Variants in ZZZ3 observed in about 807,000 individuals in gnomAD.
ZZZ3 encodes ZZ-type zinc finger-containing protein 3.
In ZZZ3, 22 loss-of-function variants were observed where a neutral mutation model predicts 95.2. The observed-to-expected ratio is 0.23, with a 90% CI of 0.17 to 0.33. The LOEUF (loss-of-function observed/expected upper bound fraction) is 0.33. Ranked by LOEUF, ZZZ3 falls within the 10% of genes least tolerant of loss-of-function variation. ZZZ3 has a pLI of 1.00. For synonymous variants in ZZZ3, 335 were observed against 358.9 expected (o/e 0.93, Z 0.75); for missense variants, 885 against 1,066.5 (o/e 0.83, Z 2.37).
At chr1:77,598,653 A>G (rs1021661601) in intron 5 of ZZZ3, among the ~76,000 whole-genome samples, 2 of 152,152 alleles carry the variant, frequency 1.3e-5, no homozygotes, top group African/African-American at 4.8e-5. Context: ...ATTTATTGCC[A>G]TTTATTTCTG....
At chr1:77,578,511 CCTTT>C (rs141741817) in intron 11 of ZZZ3, among the ~76,000 whole-genome samples, 2 of 152,228 alleles carry the variant, frequency 1.3e-5, no homozygotes, top group Non-Finnish European at 2.9e-5. Flanking sequence ...CTCACAAAGG[CCTTT>C]CTAACATATT....
At chr1:77,575,545 G>A (rs1412858775) in intron 12 of ZZZ3, among the ~76,000 whole-genome samples, 1 of 152,100 alleles carries the variant, frequency 6.6e-6, no homozygotes, top group Non-Finnish European at 1.5e-5. Flanking sequence ...ATGACAAGAA[G>A]ATGTAATCAA....
intron 1 of ZZZ3, among the ~76,000 whole-genome samples, chr1:77,672,115 G>A (rs555217666): frequency 3.5e-4 from 53 of 152,296 alleles, no homozygotes; most frequent in African/African-American, 1.1e-3. Flanking sequence ...ATGTTCAGCC[G>A]AAGGAAAGCG....
At chr1:77,642,108 ATCTT>A (rs1352434636) in intron 1 of ZZZ3, among the ~76,000 whole-genome samples, 1 of 152,218 alleles carries the variant, frequency 6.6e-6, no homozygotes, top group Non-Finnish European at 1.5e-5. Context: ...AACATCTGAT[ATCTT>A]TCTTAAGTAA....
At chr1:77,650,296 T>C (rs1669684271) in intron 1 of ZZZ3, among the ~76,000 whole-genome samples, 2 of 152,206 alleles carry the variant, frequency 1.3e-5, no homozygotes, top group South Asian at 2.1e-4. Flanking sequence ...ATCACTTTCA[T>C]ACAGCCATTT....
intron 5 of ZZZ3, among the ~76,000 whole-genome samples, chr1:77,594,921 CAAAAAAAAA>C (rs371690201): frequency 5.0e-5 from 4 of 80,704 alleles, no homozygotes; most frequent in Admixed American, 4.0e-4. Flanking sequence ...TTGACAGGCC[CAAAAAAAAA>C]AAAAAAAAAA....
At chr1:77,649,999 G>A (rs879090908) in intron 1 of ZZZ3, among the ~76,000 whole-genome samples, 2 of 152,090 alleles carry the variant, frequency 1.3e-5, no homozygotes, top group Non-Finnish European at 2.9e-5. Context: ...ATGTGGGAAA[G>A]GGGACATACA....
chr1:77,609,362 C>A (rs778073757), intron 5 of ZZZ3, among the ~76,000 whole-genome samples: 1 of 152,066 alleles, frequency 6.6e-6, no homozygotes, highest in Non-Finnish European at 1.5e-5. Flanking sequence ...TATATGCACT[C>A]AACACTGAAG....
At position 77,632,611 on chromosome 1, in the gene ZZZ3, T is replaced by C. The variant is rs749024742; in HGVS notation, c.744A>G (p.Gln248=). ...TCCTACTATCAAGGAACATTGAAGT[T>C]TGGGTATCCGTATCCCCATTTTCAG... ...SVAENGDTDT[Q]TSMFLDSRKE... Residue 248 remains glutamine (Q), a synonymous_variant, in exon 5 of 15, where the codon CAA becomes CAG. Coordinates refer to ENST00000370801, the MANE Select transcript of ZZZ3 (RefSeq NM_015534.6). The C allele has an allele frequency of 8.1e-6, 13 of 1,614,086 alleles. No individual in the cohort carries two copies. The South Asian group carries it at 1.1e-4, about 14-fold the overall frequency.
At chr1:77,648,209 T>G (rs1455838285) in intron 1 of ZZZ3, among the ~76,000 whole-genome samples, 1 of 151,746 alleles carries the variant, frequency 6.6e-6, no homozygotes, top group Admixed American at 6.6e-5. Flanking sequence ...ATTAGCCAGA[T>G]GTTGTGGCAC....
intron 5 of ZZZ3, among the ~76,000 whole-genome samples, chr1:77,627,011 A>G (rs1474207147): frequency 2.0e-5 from 3 of 152,160 alleles, no homozygotes; most frequent in Admixed American, 6.5e-5. Flanking sequence ...TCATGACTAC[A>G]ATTACAGAAC....
chr1:77,586,646 C>G (rs1180889615), intron 5 of ZZZ3, among the ~76,000 whole-genome samples: 2 of 152,146 alleles, frequency 1.3e-5, no homozygotes, highest in Non-Finnish European at 2.9e-5. Flanking sequence ...TTCAATTCTG[C>G]TTCCATTTAG....
intron 1 of ZZZ3, among the ~76,000 whole-genome samples, chr1:77,655,961 C>A (rs1670236525): frequency 6.6e-6 from 1 of 152,212 alleles, no homozygotes; most frequent in African/African-American, 2.4e-5. Flanking sequence ...TAGTTTAGCA[C>A]ACACAGTGTA....
rs141655118 is a variant in ZZZ3 at position 77,581,783 on chromosome 1, C to T, written c.1901G>A (p.Arg634His). 115 of 1,611,538 alleles carry T rather than the reference C, an allele frequency of 7.1e-5. No individual in the cohort carries two copies. The highest frequency in any genetic ancestry group is 1.2e-4 in the South Asian group (11 of 90,624). ...LSDGPEGSSS[R>H]PQMIRGRLCD... ...ATATTTCACACTGCTTACCTGAGGA[C>T]GACTGCTTGAGCCTTCTGGACCATC... is the stretch of plus-strand genomic sequence containing the variant. Residue 634 changes from arginine to histidine, a missense_variant, in exon 8 of 15, where the codon CGT (arginine) becomes CAT (histidine). Transcript: ENST00000370801.
chr1:77,593,252 T>A (rs1160025116), intron 5 of ZZZ3, among the ~76,000 whole-genome samples: 3 of 152,118 alleles, frequency 2.0e-5, no homozygotes, highest in African/African-American at 7.2e-5. Flanking sequence ...GATCCAGACA[T>A]CCCATACCTA....
intron 5 of ZZZ3, among the ~76,000 whole-genome samples, chr1:77,624,156 G>A (rs550508836): frequency 8.5e-5 from 13 of 152,140 alleles, no homozygotes; most frequent in African/African-American, 2.9e-4. Flanking sequence ...TTGTAAATAG[G>A]GATGCTAGAA....
At chr1:77,603,263 G>A (rs59272007) in intron 5 of ZZZ3, among the ~76,000 whole-genome samples, 1,940 of 152,200 alleles carry the variant, frequency 0.013, 37 homozygotes, top group African/African-American at 0.044. Context: ...ATTTTCTGTA[G>A]AGTCAGGGTT....
chr1:77,572,287 G>C (rs551199388), intron 12 of ZZZ3, among the ~76,000 whole-genome samples: 1 of 152,088 alleles, frequency 6.6e-6, no homozygotes, highest in African/African-American at 2.4e-5. Flanking sequence ...TTGTCAAACT[G>C]TACCTTTGGG....
intron 1 of ZZZ3, among the ~76,000 whole-genome samples, chr1:77,663,090 G>A (rs1670956306): frequency 6.6e-6 from 1 of 151,494 alleles, no homozygotes; most frequent in Non-Finnish European, 1.5e-5. Context: ...GGGTAACACA[G>A]TGAGACCCGG....
Sources: allele counts gnomAD v4.1 joint callset (sites outside exome capture counted in the v4.1 genomes callset), GRCh38; gene constraint gnomAD v4.1.1; transcripts MANE v1.5; gene names NCBI Gene and HGNC (gene_info 2026-07-23, HGNC 2026-07-21).